Variants in RBFOX1 observed in about 807,000 individuals in gnomAD.
The protein encoded by RBFOX1 is RNA binding protein fox-1 homolog 1.
Under a neutral mutation model 57.7 loss-of-function variants are expected in RBFOX1, and 8 were observed. The ratio of observed to expected loss-of-function variants is 0.14; its 90% CI spans 0.08 to 0.25. The LOEUF is 0.25. Among genes scored for constraint, RBFOX1 ranks in the 10% least tolerant of loss-of-function variants. The pLI is 1.00. For missense variants in RBFOX1, 611 were observed against 548.5 expected (o/e 1.11, Z -1.14); for synonymous variants, 326 against 222.4 (o/e 1.47, Z -4.15).
Position 7,569,364 on chromosome 16 carries a change from G to A in RBFOX1, c.271-10413G>A, listed in dbSNP as rs762681535. Among the ~76,000 whole-genome samples the A allele has an allele frequency of 2.6e-5, 4 of 152,072 alleles. No individual in the cohort carries two copies. In the East Asian group the frequency reaches 5.8e-4, roughly 22 times the overall value. ...TTTCCCCATGCCTTTCCTGGCCCCT[G>A]AAGGCCACTGTCATTCTTGGGCTCA... On this transcript the variant is annotated intron_variant, in intron 5 of 15. Coordinates refer to ENST00000550418, the MANE Select transcript of RBFOX1 (RefSeq NM_018723.4).
chr16:6,802,749 C>A (rs1380873352), intron 3 of RBFOX1, among the ~76,000 whole-genome samples: 2 of 152,158 alleles, frequency 1.3e-5, no homozygotes, highest in African/African-American at 4.8e-5. Flanking sequence ...AAGCCATTCC[C>A]CCACGTTGTT....
chr16:7,411,378 G>A (rs989247267), intron 4 of RBFOX1, among the ~76,000 whole-genome samples: 1 of 152,138 alleles, frequency 6.6e-6, no homozygotes, highest in Non-Finnish European at 1.5e-5. Flanking sequence ...TGGAATTTCA[G>A]TTCTACACTC....
At chr16:7,534,568 C>T (rs888773147) in intron 5 of RBFOX1, among the ~76,000 whole-genome samples, 8 of 152,108 alleles carry the variant, frequency 5.3e-5, no homozygotes, top group Admixed American at 2.0e-4. Flanking sequence ...CGATTCGATC[C>T]ACTGAAAGTC....
intron 4 of RBFOX1, among the ~76,000 whole-genome samples, chr16:7,188,953 G>A (rs747079679): frequency 4.6e-5 from 7 of 152,086 alleles, no homozygotes; most frequent in Non-Finnish European, 1.0e-4. Flanking sequence ...TTGCAGCCTG[G>A]GTAGCTTGAT....
rs996399463 is a variant in RBFOX1 at position 6,344,360 on chromosome 16, A to G, written c.-64+27303A>G. Among the ~76,000 whole-genome samples the G allele has an allele frequency of 3.3e-5, 5 of 149,780 alleles. No individual in the cohort carries two copies. The East Asian group carries it at 9.8e-4, about 29-fold the overall frequency. On this transcript the variant is annotated intron_variant, in intron 2 of 15. Coordinates refer to ENST00000550418, the MANE Select transcript of RBFOX1 (RefSeq NM_018723.4). ...GCCACCATGCCCGGCCTGGTATTAT[A>G]CAATTACACAATCTTTCCTTCTCTC...
chr16:6,535,401 G>A (rs1323175997), intron 2 of RBFOX1, among the ~76,000 whole-genome samples: 1 of 146,350 alleles, frequency 6.8e-6, no homozygotes, highest in Admixed American at 7.1e-5. Flanking sequence ...AGTCTCACAA[G>A]CCCTGCCACC....
At chr16:6,895,524 T>C (rs901602294) in intron 3 of RBFOX1, among the ~76,000 whole-genome samples, 6 of 146,080 alleles carry the variant, frequency 4.1e-5, no homozygotes, top group African/African-American at 1.3e-4. Context: ...TCGATTCCTC[T>C]CATGACCTCT....
At chr16:5,367,178 G>A (rs577144883) in intron 1 of RBFOX1, among the ~76,000 whole-genome samples, 48 of 152,244 alleles carry the variant, frequency 3.2e-4, no homozygotes, top group African/African-American at 1.1e-3. Context: ...TTTTTATACA[G>A]AATATAATTA....
At chr16:6,608,905 C>T (rs1336448433) in intron 2 of RBFOX1, among the ~76,000 whole-genome samples, 1 of 152,118 alleles carries the variant, frequency 6.6e-6, no homozygotes, top group Non-Finnish European at 1.5e-5. Context: ...GATCTTTTTT[C>T]TTGCCCTTCC....
intron 3 of RBFOX1, among the ~76,000 whole-genome samples, chr16:5,839,735 C>T (rs2056568487): frequency 6.6e-6 from 1 of 152,014 alleles, no homozygotes; most frequent in African/African-American, 2.4e-5. Flanking sequence ...GCTGCCATTG[C>T]TCCAGGCATC....
At chr16:6,147,413 C>A (rs557072317) in intron 1 of RBFOX1, among the ~76,000 whole-genome samples, 4 of 152,130 alleles carry the variant, frequency 2.6e-5, no homozygotes, top group African/African-American at 7.2e-5. Context: ...TCCAGGGTCC[C>A]TGGACATGGT....
intron 2 of RBFOX1, among the ~76,000 whole-genome samples, chr16:6,392,908 C>T (rs748215937): frequency 1.3e-5 from 2 of 152,172 alleles, no homozygotes; most frequent in Non-Finnish European, 2.9e-5. Flanking sequence ...AAGGATAAAC[C>T]ATATGACCCA....
intron 1 of RBFOX1, among the ~76,000 whole-genome samples, chr16:5,267,917 A>G (rs1431537793): frequency 9.9e-5 from 15 of 152,152 alleles, no homozygotes; most frequent in Non-Finnish European, 2.1e-4. Flanking sequence ...CATCTCTACT[A>G]AAAATACAAA....
chr16:6,944,996 T>C (rs763443959), intron 3 of RBFOX1, among the ~76,000 whole-genome samples: 13 of 151,962 alleles, frequency 8.6e-5, no homozygotes, highest in Non-Finnish European at 1.9e-4. Flanking sequence ...GTGAAAAGGG[T>C]CGTGACTTTT....
At chr16:6,823,961 T>C (rs375162652) in intron 3 of RBFOX1, among the ~76,000 whole-genome samples, 15 of 152,328 alleles carry the variant, frequency 9.8e-5, no homozygotes, top group African/African-American at 3.6e-4. Context: ...AGGTGGCATC[T>C]GGTCCAAATC....
intron 4 of RBFOX1, among the ~76,000 whole-genome samples, chr16:7,277,902 C>T (rs1265942408): frequency 6.7e-6 from 1 of 148,848 alleles, no homozygotes; most frequent in African/African-American, 2.5e-5. Flanking sequence ...AGATGACTAA[C>T]TCAGAAGAAA....
At chr16:6,238,895 A>G (rs148337397) in intron 1 of RBFOX1, among the ~76,000 whole-genome samples, 9 of 152,268 alleles carry the variant, frequency 5.9e-5, no homozygotes, top group Non-Finnish European at 1.3e-4. Context: ...TCTTTGTTTT[A>G]TAAACATCCA....
chr16:6,930,225 A>G (rs1169545845), intron 3 of RBFOX1, among the ~76,000 whole-genome samples: 1 of 152,232 alleles, frequency 6.6e-6, no homozygotes, highest in African/African-American at 2.4e-5. Flanking sequence ...CTAAAACTCA[A>G]CAACAGAAAA....
chr16:6,023,238 C>T (rs1255420985), intron 1 of RBFOX1, among the ~76,000 whole-genome samples: 4 of 148,682 alleles, frequency 2.7e-5, no homozygotes, highest in African/African-American at 1.0e-4. Flanking sequence ...ACCCACTCTG[C>T]CCTATTTTTC....
Sources: allele counts gnomAD v4.1 joint callset (sites outside exome capture counted in the v4.1 genomes callset), GRCh38; gene constraint gnomAD v4.1.1; transcripts MANE v1.5; gene names NCBI Gene and HGNC (gene_info 2026-07-23, HGNC 2026-07-21).